KHDRBS2: variants seen among roughly 807,000 people sequenced by gnomAD.
KHDRBS2 encodes the protein KH RNA binding domain containing, signal transduction associated 2, also known as KH domain-containing, RNA-binding, signal transduction-associated protein 2.
Under a neutral mutation model 44.3 loss-of-function variants are expected in KHDRBS2, and 26 were observed. The observed-to-expected ratio is 0.59, with a 90% CI of 0.43 to 0.81. KHDRBS2 has a LOEUF of 0.81. Among genes scored for constraint, KHDRBS2 ranks in the 40% least tolerant of loss-of-function variants. The probability of loss-of-function intolerance (pLI) is 0.00; values close to 1 mark genes in which losing one functional copy is unlikely to be tolerated. For missense variants in KHDRBS2, 476 were observed against 433.1 expected (o/e 1.10, Z -0.88); for synonymous variants, 194 against 151.1 (o/e 1.28, Z -2.08).
rs910578902 is a variant in KHDRBS2, at chr6:61,736,414, A to G, written c.811-3650T>C. ...CAGGGCAGTCCAGCACTCTATCTTG[A>G]GGATCTGCCTGGTCAGTTATGAGGA... is the stretch of plus-strand genomic sequence containing the variant. On this transcript the variant is annotated intron_variant, in intron 6 of 8. Coordinates refer to ENST00000281156, the MANE Select transcript of KHDRBS2 (RefSeq NM_152688.4). Among the ~76,000 whole-genome samples the G allele has an allele frequency of 7.9e-5, 12 of 151,984 alleles. No homozygotes were observed. In the East Asian group the frequency reaches 2.3e-3, roughly 29 times the overall value.
At chr6:61,683,509 G>A (rs544263659) in intron 8 of KHDRBS2, among the ~76,000 whole-genome samples, 3 of 151,820 alleles carry the variant, frequency 2.0e-5, no homozygotes, top group African/African-American at 7.2e-5. Flanking sequence ...GAATGAACAA[G>A]GGAACTATGC....
intron 2 of KHDRBS2, among the ~76,000 whole-genome samples, chr6:62,156,075 C>G (rs1197135144): frequency 6.6e-6 from 1 of 152,058 alleles, no homozygotes; most frequent in East Asian, 1.9e-4. Flanking sequence ...ATACATTTTC[C>G]AGGGTGTAGT....
chr6:62,128,823 C>T (rs1009444320), intron 2 of KHDRBS2, among the ~76,000 whole-genome samples: 1 of 151,896 alleles, frequency 6.6e-6, no homozygotes, highest in Admixed American at 6.6e-5. Flanking sequence ...AAAATCATAT[C>T]CCAGCCAACA....
At chr6:62,048,033 C>A in intron 2 of KHDRBS2, 39 bp from the exon 3 acceptor site, 2 of 1,106,794 alleles carry the variant, frequency 1.8e-6, no homozygotes, top group Non-Finnish European at 2.8e-6. Flanking sequence ...TTTTAAGGTA[C>A]AATAAAGTGA....
At chr6:62,112,512 T>C (rs1294882873) in intron 2 of KHDRBS2, among the ~76,000 whole-genome samples, 2 of 152,124 alleles carry the variant, frequency 1.3e-5, no homozygotes, top group Non-Finnish European at 2.9e-5. Context: ...CACTAGGATT[T>C]ACACACCAGC....
At chr6:62,070,937 C>G (rs1794909190) in intron 2 of KHDRBS2, among the ~76,000 whole-genome samples, 1 of 152,146 alleles carries the variant, frequency 6.6e-6, no homozygotes, top group African/African-American at 2.4e-5. Flanking sequence ...AATGGTTGAA[C>G]TAGTTTACAG....
In KHDRBS2 at chr6:61,812,806, G is replaced by A. The variant is rs547889604; in HGVS notation, c.811-80042C>T. ...ATTGATAATAAACCATAGTCTGAGA[G>A]TTGAGATATACTCATTTATATATTT... On this transcript the variant is annotated intron_variant, in intron 6 of 8. Coordinates refer to ENST00000281156, the MANE Select transcript of KHDRBS2 (RefSeq NM_152688.4). Among the ~76,000 whole-genome samples, 3 of 152,136 alleles carry A rather than the reference G, an allele frequency of 2.0e-5. No individual in the cohort carries two copies. The South Asian group carries it at 6.2e-4, about 32-fold the overall frequency.
the KHDRBS2 span, among the ~76,000 whole-genome samples, chr6:61,552,315 G>A: frequency 9.2e-5 from 14 of 152,056 alleles, no homozygotes; most frequent in East Asian, 2.5e-3. Flanking sequence ...TGCCAACTTG[G>A]ATGCTGTTGG....
At chr6:61,651,432 T>C in the KHDRBS2 span, among the ~76,000 whole-genome samples, 1 of 152,074 alleles carries the variant, frequency 6.6e-6, no homozygotes, top group African/African-American at 2.4e-5. Flanking sequence ...CTGAATAAAC[T>C]ATGTGTTTTG....
chr6:61,551,124 A>G, the KHDRBS2 span, among the ~76,000 whole-genome samples: 2 of 152,020 alleles, frequency 1.3e-5, no homozygotes, highest in African/African-American at 4.8e-5. Flanking sequence ...ATGGTTAGTG[A>G]TAAGCACTTT....
chr6:62,139,922 T>C (rs938021764), intron 2 of KHDRBS2, among the ~76,000 whole-genome samples: 12 of 151,650 alleles, frequency 7.9e-5, no homozygotes, highest in African/African-American at 2.9e-4. Flanking sequence ...GTTCCACCTT[T>C]CGCTTTTGTC....
intron 7 of KHDRBS2, among the ~76,000 whole-genome samples, chr6:61,700,639 G>A (rs185867451): frequency 4.4e-4 from 66 of 151,660 alleles, no homozygotes; most frequent in African/African-American, 1.5e-3. Context: ...TCGTGACTAA[G>A]TTAGGACACA....
chr6:62,282,990 A>G (rs572238882), intron 1 of KHDRBS2, among the ~76,000 whole-genome samples: 3 of 152,152 alleles, frequency 2.0e-5, no homozygotes, highest in Admixed American at 6.5e-5. Flanking sequence ...CCAGAAGCAG[A>G]AAAGATATAA....
chr6:62,106,077 G>T (rs1342572778), intron 2 of KHDRBS2, among the ~76,000 whole-genome samples: 1 of 152,186 alleles, frequency 6.6e-6, no homozygotes, highest in African/African-American at 2.4e-5. Context: ...TTTCCATGCA[G>T]TTGAGCAGTT....
Position 62,001,296 on chromosome 6 carries a change from G to A in KHDRBS2, c.337-23084C>T, listed in dbSNP as rs950852127. ...ATACAGAGTTTCATCAAACAAAGAAGGTAACACACTATTATCTATGAATAG... is the reference window on the plus strand; with the variant it reads ...ATACAGAGTTTCATCAAACAAAGAAAGTAACACACTATTATCTATGAATAG... On this transcript the variant is annotated intron_variant, in intron 3 of 8. Transcript: ENST00000281156. Among the ~76,000 whole-genome samples, 17 of 151,706 alleles carry A rather than the reference G, an allele frequency of 1.1e-4. 1 individual carries two copies. The highest frequency in any genetic ancestry group is 4.6e-4 in the Admixed American group (7 of 15,184).
intron 6 of KHDRBS2, among the ~76,000 whole-genome samples, chr6:61,894,267 A>G (rs1246496611): frequency 2.0e-5 from 3 of 152,176 alleles, no homozygotes; most frequent in African/African-American, 7.2e-5. Flanking sequence ...TAATCATATT[A>G]TATTTGTTAA....
intron 7 of KHDRBS2, among the ~76,000 whole-genome samples, chr6:61,731,700 T>C (rs1391434862): frequency 6.6e-6 from 1 of 152,118 alleles, no homozygotes; most frequent in African/African-American, 2.4e-5. Context: ...AACAGTAAGT[T>C]CCATTGGCTT....
At chr6:62,160,224 C>T (rs560877506) in intron 2 of KHDRBS2, among the ~76,000 whole-genome samples, 3 of 152,024 alleles carry the variant, frequency 2.0e-5, no homozygotes, top group African/African-American at 7.2e-5. Context: ...AAGCAAATTA[C>T]AAACTACATT....
chr6:61,577,993 C>G, the KHDRBS2 span, among the ~76,000 whole-genome samples: 1 of 151,980 alleles, frequency 6.6e-6, no homozygotes, highest in Admixed American at 6.6e-5. Flanking sequence ...TTTTAAAAGT[C>G]TCTCTTCATT....
Sources: gnomAD v4.1 joint callset for allele counts (sites outside exome capture counted in the v4.1 genomes callset) on GRCh38, gnomAD v4.1.1 for gene constraint, MANE v1.5 for transcripts, NCBI Gene and HGNC (gene_info 2026-07-23, HGNC 2026-07-21) for gene names.